The following GRIK3 variants were observed in gnomAD, a reference collection of about 807,000 sequenced individuals.
GRIK3 encodes the protein glutamate receptor ionotropic, kainate 3.
Under a neutral mutation model 102.5 loss-of-function variants are expected in GRIK3, and 29 were observed. The observed-to-expected ratio is 0.28, with a 90% CI of 0.21 to 0.39. The LOEUF is 0.39. GRIK3 is among the 10% of genes least tolerant of loss of function. GRIK3 has a pLI of 1.00. For missense variants in GRIK3, 908 were observed against 1,252.4 expected (o/e 0.73, Z 4.15); for synonymous variants, 511 against 504.9 (o/e 1.01, Z -0.16).
chr1:36,860,038 G>A, intron 5 of GRIK3, 21 bp from the exon 6 acceptor site: 1 of 1,542,390 alleles, frequency 6.5e-7, no homozygotes, highest in East Asian at 2.3e-5. Flanking sequence ...AGAGGTCTGT[G>A]TAAACCAAGG....
At chr1:36,883,933 T>A (rs899662768) in intron 2 of GRIK3, among the ~76,000 whole-genome samples, 5 of 152,252 alleles carry the variant, frequency 3.3e-5, no homozygotes, top group Admixed American at 1.3e-4. Flanking sequence ...AAATCTGTAC[T>A]TCTACCAGGA....
chr1:36,931,823 C>T (rs544415141), intron 1 of GRIK3, among the ~76,000 whole-genome samples: 8 of 152,274 alleles, frequency 5.3e-5, no homozygotes, highest in Non-Finnish European at 1.0e-4. Flanking sequence ...TCTGTCTGCT[C>T]CCCAGCTGCC....
rs984606936 is a variant in GRIK3 at position 36,819,895 on chromosome 1, G to C, written c.1755-41C>G. The C allele has an allele frequency of 9.8e-7, 1 of 1,016,938 alleles. No homozygotes were observed. The highest frequency in any genetic ancestry group is 1.6e-5 in the African/African-American group (1 of 63,584). The allele number at this position is 1,016,938 out of a possible 1,614,324, so 63.0% of individuals were successfully genotyped here. On this transcript the variant is annotated intron_variant, in intron 11 of 15. Transcript: ENST00000373091. The surrounding 1 kb of genome is among the most constrained non-coding windows in gnomAD (Gnocchi z 4.1). The stretch of plus-strand genomic sequence containing the variant: ...AGGGACAGTCAGCCTGGGAAGCAAG[G>C]GGCATCCACGCCCCAGCAGGCAGTG...
At chr1:36,851,183 A>T (rs1186181240) in intron 8 of GRIK3, among the ~76,000 whole-genome samples, 1 of 140,406 alleles carries the variant, frequency 7.1e-6, no homozygotes, top group Non-Finnish European at 1.5e-5. Context: ...AATCAATTAA[A>T]CAGAGAGGCT....
At chr1:36,909,145 G>A (rs995752899) in intron 1 of GRIK3, among the ~76,000 whole-genome samples, 4 of 152,152 alleles carry the variant, frequency 2.6e-5, no homozygotes, top group Admixed American at 6.5e-5. Context: ...AGCCAGTGAC[G>A]TGCTGCAGCC....
chr1:36,876,967 T>TA (rs1204849811), intron 3 of GRIK3, among the ~76,000 whole-genome samples: 1 of 152,154 alleles, frequency 6.6e-6, no homozygotes, highest in Non-Finnish European at 1.5e-5. Flanking sequence ...AGTATAAGGA[T>TA]AAAAAAATGA....
At chr1:36,825,530 G>A in intron 11 of GRIK3, 73 bp downstream of exon 11, 1 of 954,498 alleles carries the variant, frequency 1.0e-6, no homozygotes. Context: ...GCCAGGGGCT[G>A]AGGAGATGAG....
intron 1 of GRIK3, among the ~76,000 whole-genome samples, chr1:37,011,743 A>G (rs561177088): frequency 5.3e-5 from 8 of 152,224 alleles, no homozygotes; most frequent in Admixed American, 2.6e-4. Context: ...AAAAATGTAC[A>G]TGAGTGAACA....
chr1:36,983,810 T>C (rs1204408005), intron 1 of GRIK3, among the ~76,000 whole-genome samples: 1 of 152,184 alleles, frequency 6.6e-6, no homozygotes, highest in Non-Finnish European at 1.5e-5. Context: ...ATAATATATT[T>C]ATGAAATTTT....
intron 15 of GRIK3, among the ~76,000 whole-genome samples, chr1:36,803,170 G>A (rs565721243): frequency 6.6e-6 from 1 of 152,250 alleles, no homozygotes; most frequent in South Asian, 2.1e-4. Context: ...GGTGAGGAAG[G>A]CTACTTGAGG....
chr1:36,929,073 G>C (rs954699601), intron 1 of GRIK3, among the ~76,000 whole-genome samples: 4 of 152,150 alleles, frequency 2.6e-5, no homozygotes, highest in Non-Finnish European at 5.9e-5. Flanking sequence ...TCGATTTACA[G>C]ATGAGGAAAC....
intron 1 of GRIK3, among the ~76,000 whole-genome samples, chr1:36,977,007 A>G (rs776045067): frequency 2.0e-5 from 3 of 152,098 alleles, no homozygotes; most frequent in Non-Finnish European, 2.9e-5. Context: ...AGCAGCAATC[A>G]TGGGCAGTCC....
At chr1:36,816,184 C>A (rs1642624315) in intron 13 of GRIK3, among the ~76,000 whole-genome samples, 1 of 152,186 alleles carries the variant, frequency 6.6e-6, no homozygotes, top group Non-Finnish European at 1.5e-5. Flanking sequence ...CATCCCTGGA[C>A]AAGCCACTTA....
At chr1:36,972,707 C>A (rs1359683861) in intron 1 of GRIK3, among the ~76,000 whole-genome samples, 1 of 152,220 alleles carries the variant, frequency 6.6e-6, no homozygotes, top group Non-Finnish European at 1.5e-5. Flanking sequence ...ATCTGCCCAA[C>A]AACCATGCAA....
intron 1 of GRIK3, among the ~76,000 whole-genome samples, chr1:36,970,029 G>A (rs908319896): frequency 2.0e-5 from 3 of 152,224 alleles, no homozygotes; most frequent in Non-Finnish European, 2.9e-5. Flanking sequence ...GGTAGGGTAA[G>A]GATGCTTGAT....
At chr1:36,918,869 C>G (rs1485688671) in intron 1 of GRIK3, among the ~76,000 whole-genome samples, 1 of 152,234 alleles carries the variant, frequency 6.6e-6, no homozygotes, top group East Asian at 1.9e-4. Context: ...GCCCTTCTCT[C>G]ATTCATTCAT....
At chr1:36,851,937 T>A (rs78563465) in intron 8 of GRIK3, among the ~76,000 whole-genome samples, 1,778 of 152,258 alleles carry the variant, frequency 0.012, 31 homozygotes, top group African/African-American at 0.041. Context: ...TCCCTAGAAT[T>A]TTAGGTTATC....
chr1:37,017,236 G>C (rs1373169737), intron 1 of GRIK3, among the ~76,000 whole-genome samples: 1 of 149,690 alleles, frequency 6.7e-6, no homozygotes, highest in East Asian at 2.0e-4. Flanking sequence ...ACGAAAAAAA[G>C]AAAGGTGTTG....
At chr1:36,907,916 G>T (rs1641302238) in intron 1 of GRIK3, among the ~76,000 whole-genome samples, 1 of 152,074 alleles carries the variant, frequency 6.6e-6, no homozygotes, top group Non-Finnish European at 1.5e-5. Context: ...AGTGAGAGAG[G>T]CCCCCTTGCC....
Sources: allele counts gnomAD v4.1 joint callset (sites outside exome capture counted in the v4.1 genomes callset), GRCh38; gene constraint gnomAD v4.1.1; non-coding constraint Gnocchi (gnomAD v3.1); transcripts MANE v1.5; gene names NCBI Gene and HGNC (gene_info 2026-07-23, HGNC 2026-07-21).